The following CNTN6 variants were observed in gnomAD, a reference collection of about 807,000 sequenced individuals.
The protein encoded by CNTN6 is contactin-6.
A neutral mutation model predicts 122.8 loss-of-function variants in CNTN6; 137 were observed. That is an observed-to-expected ratio of 1.12 (90% confidence interval 0.97 to 1.29). The LOEUF is 1.29. CNTN6 is among the 50% of genes most tolerant of loss of function. The pLI, the probability that CNTN6 is intolerant of heterozygous loss-of-function variation, is 0.00. For missense variants in CNTN6, 1,634 were observed against 1,223.4 expected (o/e 1.34, Z -5.01); for synonymous variants, 570 against 426.0 (o/e 1.34, Z -4.16).
intron 1 of CNTN6, among the ~76,000 whole-genome samples, chr3:1,098,639 C>G (rs1033543762): frequency 6.6e-6 from 1 of 151,078 alleles, no homozygotes; most frequent in Admixed American, 6.6e-5. Context: ...AATCTATAAA[C>G]TCAACATCAT....
intron 2 of CNTN6, among the ~76,000 whole-genome samples, chr3:1,191,527 T>C (rs778598355): frequency 1.2e-4 from 19 of 152,208 alleles, no homozygotes; most frequent in Non-Finnish European, 2.5e-4. Context: ...CATAGGACCC[T>C]TCTGGATCTC....
At chr3:1,288,194 C>T (rs191015367) in intron 5 of CNTN6, among the ~76,000 whole-genome samples, 1 of 152,284 alleles carries the variant, frequency 6.6e-6, no homozygotes, top group Non-Finnish European at 1.5e-5. Context: ...CTTTATTTAA[C>T]TGTCATTCAT....
At chr3:1,296,428 A>G (rs1402462257) in intron 6 of CNTN6, among the ~76,000 whole-genome samples, 2 of 152,162 alleles carry the variant, frequency 1.3e-5, no homozygotes, top group East Asian at 3.8e-4. Flanking sequence ...TACAAGATTT[A>G]GAGAGCCAGA....
intron 11 of CNTN6, among the ~76,000 whole-genome samples, chr3:1,342,068 G>A (rs780597735): frequency 2.6e-5 from 4 of 151,718 alleles, no homozygotes; most frequent in Admixed American, 6.6e-5. Flanking sequence ...TGTATTTCTC[G>A]ATTTTGTTGA....
intron 2 of CNTN6, among the ~76,000 whole-genome samples, chr3:1,198,275 C>A (rs1056954925): frequency 3.3e-5 from 5 of 152,186 alleles, no homozygotes; most frequent in Admixed American, 6.5e-5. Context: ...ATTACATTTC[C>A]CTGTGAAGAA....
At chr3:1,281,093 A>C (rs1047015120) in intron 5 of CNTN6, among the ~76,000 whole-genome samples, 1 of 152,186 alleles carries the variant, frequency 6.6e-6, no homozygotes, top group Non-Finnish European at 1.5e-5. Flanking sequence ...TGTGCCATCT[A>C]ATCTTATCTA....
chr3:1,288,946 C>G (rs529892465), intron 5 of CNTN6, among the ~76,000 whole-genome samples: 3 of 152,062 alleles, frequency 2.0e-5, no homozygotes, highest in Admixed American at 6.6e-5. Flanking sequence ...AGGACGAAGT[C>G]ATTGTGAAAC....
chr3:1,253,916 A>G (rs537214444), intron 4 of CNTN6, among the ~76,000 whole-genome samples: 2 of 152,296 alleles, frequency 1.3e-5, no homozygotes, highest in East Asian at 3.9e-4. Flanking sequence ...CCATAAGTCT[A>G]TTATATAAAA....
At chr3:1,168,399 T>A (rs1245764963) in intron 2 of CNTN6, among the ~76,000 whole-genome samples, 3 of 148,836 alleles carry the variant, frequency 2.0e-5, no homozygotes, top group Non-Finnish European at 4.4e-5. Flanking sequence ...AGACTCTGTA[T>A]ACAGGAGGTA....
rs1214291050 is a variant in CNTN6 at position 1,373,619 on chromosome 3, C to T, written c.1802C>T (p.Pro601Leu). The T allele has an allele frequency of 8.1e-6, 13 of 1,611,858 alleles. No homozygotes were observed. The highest frequency in any genetic ancestry group is 1.0e-5 in the Non-Finnish European group (12 of 1,178,934). The change falls in exon 15 of 23, where the codon CCT becomes CTT. Residue 601 changes from proline (P) to leucine (L), a missense_variant. By Grantham distance (98) the Pro-to-Leu change is moderately conservative. Coordinates refer to ENST00000446702, the MANE Select transcript of CNTN6 (RefSeq NM_001289080.2). ...TTTTTTCAAGGTCCACCAGGTCCTCCTGAGGATGTGCAAGTGGAAGACATT... is the reference window on the plus strand; with the variant it reads ...TTTTTTCAAGGTCCACCAGGTCCTCTTGAGGATGTGCAAGTGGAAGACATT... ...DIIVRGPPGPPEDVQVEDISS... is the reference protein window; with the variant it reads ...DIIVRGPPGPLEDVQVEDISS...
chr3:1,350,091 T>G (rs528886268), intron 11 of CNTN6, among the ~76,000 whole-genome samples: 2 of 151,886 alleles, frequency 1.3e-5, no homozygotes, highest in Admixed American at 1.3e-4. Context: ...TAGTCTTACT[T>G]TGAAGTAAAG....
intron 1 of CNTN6, among the ~76,000 whole-genome samples, chr3:1,114,218 G>A (rs1195029597): frequency 6.6e-6 from 1 of 152,110 alleles, no homozygotes; most frequent in Non-Finnish European, 1.5e-5. Flanking sequence ...GAAGAGCAGT[G>A]GCAAAGGCAG....
At chr3:1,186,125 A>G (rs1288760687) in intron 2 of CNTN6, among the ~76,000 whole-genome samples, 1 of 152,208 alleles carries the variant, frequency 6.6e-6, no homozygotes, top group Admixed American at 6.5e-5. Flanking sequence ...AACGAAAGAC[A>G]GCACAAGAAA....
rs1695864702 is a variant in CNTN6 at position 1,402,592 on chromosome 3, A to T, written c.2986+106A>T. 11 of 957,996 alleles carry T rather than the reference A, an allele frequency of 1.1e-5. No homozygotes were observed. In the South Asian group the frequency reaches 2.5e-4, roughly 22 times the overall value. 59.3% of individuals were successfully genotyped at this position (957,996 alleles called of 1,614,324 possible). ...GTTATGGCTTAAATGTTGGGTGATAAGATAAATTTTCAATTGTGAGCAAAA... is the reference window on the plus strand; with the variant it reads ...GTTATGGCTTAAATGTTGGGTGATATGATAAATTTTCAATTGTGAGCAAAA... On this transcript the variant is annotated intron_variant, in intron 22 of 22. Coordinates refer to ENST00000446702, the MANE Select transcript of CNTN6 (RefSeq NM_001289080.2).
intron 12 of CNTN6, among the ~76,000 whole-genome samples, chr3:1,362,261 G>T (rs1031816509): frequency 6.6e-5 from 10 of 151,870 alleles, no homozygotes; most frequent in African/African-American, 2.2e-4. Context: ...GATCCACAAC[G>T]TCTAGCATTC....
intron 16 of CNTN6, among the ~76,000 whole-genome samples, chr3:1,374,738 G>A (rs375612720): frequency 7.9e-5 from 12 of 151,908 alleles, no homozygotes; most frequent in Admixed American, 2.0e-4. Flanking sequence ...ATTCTTATTC[G>A]ATCACATAAA....
intron 2 of CNTN6, among the ~76,000 whole-genome samples, chr3:1,203,629 A>C (rs2093916223): frequency 6.6e-6 from 1 of 152,202 alleles, no homozygotes; most frequent in African/African-American, 2.4e-5. Flanking sequence ...TTATGTTGAC[A>C]ATAAACATGA....
intron 1 of CNTN6, among the ~76,000 whole-genome samples, chr3:1,115,478 G>A (rs752781558): frequency 2.6e-5 from 4 of 152,108 alleles, no homozygotes; most frequent in South Asian, 2.1e-4. Flanking sequence ...GGCCGGGTAC[G>A]GTGGCTCATG....
intron 2 of CNTN6, 70 bp downstream of exon 2, chr3:1,148,133 A>G: frequency 8.2e-7 from 1 of 1,214,204 alleles, no homozygotes; most frequent in South Asian, 1.3e-5. Flanking sequence ...CTATGGGTGA[A>G]GCAATTTTCA....
Sources: allele counts gnomAD v4.1 joint callset (sites outside exome capture counted in the v4.1 genomes callset), GRCh38; gene constraint gnomAD v4.1.1; transcripts MANE v1.5; gene names NCBI Gene and HGNC (gene_info 2026-07-23, HGNC 2026-07-21).